The following HECW2 variants were observed in gnomAD, a reference collection of about 807,000 sequenced individuals.
The protein encoded by HECW2 is E3 ubiquitin-protein ligase HECW2.
HECW2 carries 61 observed loss-of-function variants against 175.2 expected under a neutral mutation model. The ratio of observed to expected loss-of-function variants is 0.35; its 90% CI spans 0.28 to 0.43. HECW2 has a LOEUF of 0.43. HECW2 is among the 20% of genes least tolerant of loss of function. The probability of loss-of-function intolerance (pLI) is 1.00; values close to 1 mark genes in which losing one functional copy is unlikely to be tolerated. For synonymous variants in HECW2, 671 were observed against 731.0 expected, an observed-to-expected ratio of 0.92 and a Z score of 1.32; for missense variants, 1,524 against 2,000.5, an observed-to-expected ratio of 0.76 and a Z score of 4.54.
intron 1 of HECW2, among the ~76,000 whole-genome samples, chr2:196,581,477 T>C (rs985066318): frequency 1.3e-5 from 2 of 152,048 alleles, no homozygotes; most frequent in Admixed American, 1.3e-4. Context: ...GACATTGCAG[T>C]GAGCTGAGAT....
chr2:196,347,007 CAAA>C (rs200981726), intron 2 of HECW2, among the ~76,000 whole-genome samples: 3 of 129,990 alleles, frequency 2.3e-5, no homozygotes, highest in Non-Finnish European at 3.3e-5. Context: ...GACTCCGTCT[CAAA>C]AAAAAAAAAA....
At chr2:196,556,066 A>G (rs144421159) in intron 1 of HECW2, among the ~76,000 whole-genome samples, 3 of 152,266 alleles carry the variant, frequency 2.0e-5, no homozygotes, top group Non-Finnish European at 4.4e-5. Flanking sequence ...TTATTTTACT[A>G]TTTACCTCTC....
At chr2:196,246,957 T>C (rs1223888038) in intron 19 of HECW2, among the ~76,000 whole-genome samples, 1 of 152,192 alleles carries the variant, frequency 6.6e-6, no homozygotes, top group Non-Finnish European at 1.5e-5. Flanking sequence ...TACACATTAT[T>C]TCATTTTAAA....
chr2:196,228,006 G>T, intron 22 of HECW2, 96 bp downstream of exon 22: 2 of 1,188,192 alleles, frequency 1.7e-6, no homozygotes, highest in Non-Finnish European at 2.3e-6. Context: ...CTTTGCCCAA[G>T]GGAAAAAATG....
chr2:196,578,936 A>T (rs1424409046), intron 1 of HECW2, among the ~76,000 whole-genome samples: 3 of 151,006 alleles, frequency 2.0e-5, no homozygotes, highest in Non-Finnish European at 2.9e-5. Flanking sequence ...CTATCTACAC[A>T]GAGAAGATAA....
chr2:196,355,783 G>A (rs1017675801), intron 2 of HECW2, among the ~76,000 whole-genome samples: 1 of 152,070 alleles, frequency 6.6e-6, no homozygotes, highest in African/African-American at 2.4e-5. Context: ...GGTGGGGAAA[G>A]TGGTCAGTAA....
At chr2:196,240,832 T>G (rs1688423548) in intron 20 of HECW2, among the ~76,000 whole-genome samples, 1 of 96,182 alleles carries the variant, frequency 1.0e-5, no homozygotes, top group African/African-American at 3.3e-5. Context: ...CAAATCAGTT[T>G]ATCCCAGAAA....
chr2:196,306,388 G>A, intron 13 of HECW2, 100 bp downstream of exon 13: 1 of 1,235,604 alleles, frequency 8.1e-7, no homozygotes, highest in Non-Finnish European at 1.1e-6. Flanking sequence ...AAGTGCTCTG[G>A]AAACATTCGC....
At chr2:196,250,750 C>T (rs1345501215) in intron 19 of HECW2, among the ~76,000 whole-genome samples, 1 of 152,158 alleles carries the variant, frequency 6.6e-6, no homozygotes, top group African/African-American at 2.4e-5. Flanking sequence ...CCACAAACCA[C>T]TTTCCTTCCA....
intron 1 of HECW2, among the ~76,000 whole-genome samples, chr2:196,511,263 T>C (rs891886626): frequency 2.0e-5 from 3 of 152,218 alleles, no homozygotes; most frequent in African/African-American, 7.2e-5. Context: ...AATATTAAAT[T>C]CCTAAATGTG....
intron 2 of HECW2, among the ~76,000 whole-genome samples, chr2:196,432,717 A>G (rs1695750783): frequency 6.6e-6 from 1 of 152,028 alleles, no homozygotes; most frequent in African/African-American, 2.4e-5. Context: ...TTTAGAAAAT[A>G]CAGAGCTTTT....
chr2:196,219,570 A>C (rs1687592773), intron 26 of HECW2, among the ~76,000 whole-genome samples: 1 of 152,228 alleles, frequency 6.6e-6, no homozygotes, highest in Admixed American at 6.5e-5. Context: ...TATTTTGGGA[A>C]CTGTGTCTTA....
intron 2 of HECW2, among the ~76,000 whole-genome samples, chr2:196,373,265 G>A (rs1199579261): frequency 6.6e-6 from 1 of 152,160 alleles, no homozygotes; most frequent in African/African-American, 2.4e-5. Flanking sequence ...TTCAAATTCA[G>A]TACTTTGTTT....
intron 13 of HECW2, 91 bp from the exon 14 acceptor site, chr2:196,292,841 T>C: frequency 1.0e-6 from 1 of 995,870 alleles, no homozygotes; most frequent in East Asian, 2.6e-5. Flanking sequence ...AATCTTCCAA[T>C]AAGTAATGAA....
chr2:196,332,307 T>A (rs1035948310), intron 4 of HECW2, among the ~76,000 whole-genome samples: 6 of 152,212 alleles, frequency 3.9e-5, no homozygotes, highest in Non-Finnish European at 7.3e-5. Flanking sequence ...ACATGTCATA[T>A]ACCTAGATGA....
At chr2:196,240,864 C>T (rs1191396209) in intron 20 of HECW2, among the ~76,000 whole-genome samples, 1 of 151,882 alleles carries the variant, frequency 6.6e-6, no homozygotes, top group Admixed American at 6.6e-5. Flanking sequence ...TAAAACAACA[C>T]CACACACACC....
At position 196,499,441 on chromosome 2, in the gene HECW2, A is replaced by T. The variant is rs1385945546; in HGVS notation, c.-35-65983T>A. Reference sequence around the variant, plus strand: ...CCTAACTTAAACATGCCTTGATAATATAAATAATTTACATTACAAATATAA... The same window carrying T: ...CCTAACTTAAACATGCCTTGATAATTTAAATAATTTACATTACAAATATAA... On this transcript the variant is annotated intron_variant, in intron 1 of 28. Coordinates refer to ENST00000644978, the MANE Select transcript of HECW2 (RefSeq NM_001348768.2). Among the ~76,000 whole-genome samples, 5 of 152,180 alleles carry T rather than the reference A, an allele frequency of 3.3e-5. No individual in the cohort carries two copies. The East Asian group carries it at 9.6e-4, about 29-fold the overall frequency.
intron 4 of HECW2, among the ~76,000 whole-genome samples, chr2:196,333,750 AT>A (rs1692451911): frequency 6.6e-6 from 1 of 152,240 alleles, no homozygotes; most frequent in Non-Finnish European, 1.5e-5. Flanking sequence ...CAAAATTGCC[AT>A]GTTGGAAATG....
At chr2:196,417,539 C>T (rs1054251824) in intron 2 of HECW2, among the ~76,000 whole-genome samples, 7 of 152,188 alleles carry the variant, frequency 4.6e-5, no homozygotes, top group African/African-American at 1.7e-4. Context: ...CTCAGCCTCC[C>T]GAGTAACTGG....
Sources: gnomAD v4.1 joint callset for allele counts (sites outside exome capture counted in the v4.1 genomes callset) on GRCh38, gnomAD v4.1.1 for gene constraint, MANE v1.5 for transcripts, NCBI Gene and HGNC (gene_info 2026-07-23, HGNC 2026-07-21) for gene names.